The following MGST1 variants were observed in gnomAD, a reference collection of about 807,000 sequenced individuals.
The protein encoded by MGST1 is glutathione S-transferase 12.
A neutral mutation model predicts 8.9 loss-of-function variants in MGST1; 5 were observed. The ratio of observed to expected loss-of-function variants is 0.56; its 90% CI spans 0.29 to 1.19. MGST1 has a LOEUF of 1.19. Among genes scored for constraint, MGST1 ranks in the 50% most tolerant of loss-of-function variants. MGST1 has a pLI of 0.08. For missense variants in MGST1, 182 were observed against 187.4 expected, an observed-to-expected ratio of 0.97 and a Z score of 0.17; for synonymous variants, 54 against 67.8, an observed-to-expected ratio of 0.80 and a Z score of 1.00.
chr12:16,554,617 C>G (rs1237768074), intron 4 of MGST1, among the ~76,000 whole-genome samples: 2 of 152,208 alleles, frequency 1.3e-5, no homozygotes, highest in African/African-American at 4.8e-5. Context: ...TCTTGCTATA[C>G]ATTATTCAAA....
chr12:16,407,627 A>G (rs1422557741), intron 1 of MGST1, among the ~76,000 whole-genome samples: 5 of 152,206 alleles, frequency 3.3e-5, no homozygotes, highest in Non-Finnish European at 7.3e-5. Context: ...TGTTCACTGC[A>G]GTGCTATTCA....
intron 4 of MGST1, among the ~76,000 whole-genome samples, chr12:16,466,479 G>A (rs1232826937): frequency 2.6e-5 from 4 of 152,158 alleles, no homozygotes; most frequent in African/African-American, 9.7e-5. Flanking sequence ...TGCTAACACA[G>A]CTTCCTTTTG....
intron 3 of MGST1, among the ~76,000 whole-genome samples, chr12:16,358,546 A>G (rs1489302666): frequency 2.0e-5 from 3 of 147,610 alleles, no homozygotes; most frequent in Non-Finnish European, 4.5e-5. Flanking sequence ...GGCTCACTGC[A>G]ACCTTCTTCT....
chr12:16,416,597 A>G (rs7303720), intron 1 of MGST1, among the ~76,000 whole-genome samples: 46,994 of 151,826 alleles, frequency 0.31, 7,290 homozygotes, highest in East Asian at 0.4. Context: ...AGGAGCACCA[A>G]CCCCATCATG....
chr12:16,526,685 G>T (rs1441541318), intron 4 of MGST1, among the ~76,000 whole-genome samples: 1 of 151,892 alleles, frequency 6.6e-6, no homozygotes, highest in African/African-American at 2.4e-5. Flanking sequence ...CATAAATTAG[G>T]TAAGGTATTT....
At chr12:16,539,065 C>T (rs1271455048) in intron 4 of MGST1, among the ~76,000 whole-genome samples, 1 of 152,180 alleles carries the variant, frequency 6.6e-6, no homozygotes, top group African/African-American at 2.4e-5. Flanking sequence ...CCCACCAGCT[C>T]TCTCCCACAA....
Position 16,362,975 on chromosome 12 carries a change from C to T in MGST1, c.222-820C>T, listed in dbSNP as rs1203167002. ...ATGACAACAATAATAATAAAAATGT[C>T]AAGTCCATAGTAGATGTGTTTTGTA... On this transcript the variant is annotated intron_variant, in intron 3 of 3. Coordinates refer to ENST00000396210, the MANE Select transcript of MGST1 (RefSeq NM_020300.5). The surrounding 1 kb of genome is among the most constrained non-coding windows in gnomAD (Gnocchi z 4.4). 1 of 152,106 alleles carries T rather than the reference C, an allele frequency of 6.6e-6. No individual in the cohort carries two copies. The allele number at this position is 152,106 out of a possible 1,614,324, so 9.4% of individuals were successfully genotyped here.
At chr12:16,562,365 T>C (rs1266811959) in intron 4 of MGST1, among the ~76,000 whole-genome samples, 3 of 152,352 alleles carry the variant, frequency 2.0e-5, no homozygotes, top group African/African-American at 4.8e-5. Context: ...TATACTTGTG[T>C]ATATAACATC....
chr12:16,399,821 A>G (rs562172262), intron 1 of MGST1: 353 of 1,215,778 alleles, frequency 2.9e-4, no homozygotes, highest in South Asian at 2.1e-3. Context: ...GGCATTGATC[A>G]TGGTCACTTT....
intron 1 of MGST1, among the ~76,000 whole-genome samples, chr12:16,436,333 T>C (rs1940986661): frequency 6.6e-6 from 1 of 151,962 alleles, no homozygotes; most frequent in Admixed American, 6.6e-5. Flanking sequence ...AGGCAAGCTG[T>C]GACATATGAT....
intron 4 of MGST1, among the ~76,000 whole-genome samples, chr12:16,543,245 T>G (rs2137215326): frequency 6.6e-6 from 1 of 152,234 alleles, no homozygotes; most frequent in Admixed American, 6.5e-5. Flanking sequence ...AAGCAGAGGC[T>G]TCCCCAGTAT....
chr12:16,501,655 T>A (rs1276543632), intron 4 of MGST1, among the ~76,000 whole-genome samples: 1 of 152,194 alleles, frequency 6.6e-6, no homozygotes, highest in Non-Finnish European at 1.5e-5. Context: ...CTATAAGGAC[T>A]AAAGGAGGGC....
downstream of MGST1, among the ~76,000 whole-genome samples, chr12:16,381,054 C>T (rs1232499166): frequency 1.3e-5 from 2 of 151,724 alleles, no homozygotes; most frequent in Admixed American, 1.3e-4. Flanking sequence ...GTGAGATGCA[C>T]CTGAATACAG....
rs144408662 is a variant in MGST1, at chr12:16,391,590, G to T, written n.778+7986G>T. The stretch of plus-strand genomic sequence containing the variant: ...GATGCCTTTGCCCACTTCTTAATGG[G>T]GTTGTCTGTTTTTCTCTTGTAAATT... On this transcript the variant is annotated intron_variant and non_coding_transcript_variant, in intron 1 of 1. Coordinates refer to the MGST1 transcript ENST00000359720. 4.2e-3 allele frequency among the ~76,000 whole-genome samples: 637 copies of T among 152,102 alleles called. 2 individuals are homozygous for T. Among genetic ancestry groups the T allele is most frequent in the Non-Finnish European group, 5.0e-3 (342 of 67,980 alleles).
At chr12:16,372,020 T>G (rs1243830546) in intron 3 of MGST1, among the ~76,000 whole-genome samples, 1 of 151,142 alleles carries the variant, frequency 6.6e-6, no homozygotes, top group Non-Finnish European at 1.5e-5. Context: ...TCTTGCCATA[T>G]ACAAAAATCA....
intron 4 of MGST1, among the ~76,000 whole-genome samples, chr12:16,496,772 A>T (rs1941473332): frequency 1.3e-5 from 2 of 152,134 alleles, no homozygotes; most frequent in Admixed American, 1.3e-4. Flanking sequence ...AACACCTAAG[A>T]CCAAAATAAT....
chr12:16,535,690 C>G (rs1941753118), intron 4 of MGST1, among the ~76,000 whole-genome samples: 1 of 152,096 alleles, frequency 6.6e-6, no homozygotes, highest in Non-Finnish European at 1.5e-5. Flanking sequence ...AAATCGTGGT[C>G]CTCATTAGCA....
intron 4 of MGST1, among the ~76,000 whole-genome samples, chr12:16,564,970 T>C (rs1388904861): frequency 1.3e-5 from 2 of 152,006 alleles, no homozygotes; most frequent in African/African-American, 4.8e-5. Flanking sequence ...AAAAAAAATT[T>C]GTAGAGATGG....
At position 16,537,927 on chromosome 12, in the gene MGST1, A is replaced by G. The variant is rs1425588610; in HGVS notation, n.483-51601A>G. 6.6e-6 allele frequency among the ~76,000 whole-genome samples: 1 copy of G among 152,190 alleles called. No homozygotes were observed. Among genetic ancestry groups the G allele is most frequent in the Non-Finnish European group, 1.5e-5 (1 of 68,034 alleles). On this transcript the variant is annotated intron_variant and non_coding_transcript_variant, in intron 4 of 4. Transcript: ENST00000538857. The surrounding 1 kb of genome is among the most constrained non-coding windows in gnomAD (Gnocchi z 4.6). ...TTTCCCCATTGTCTTGGAGATTAACATGTGGCTCCTTGTTACTTATGCAAA... is the reference window on the plus strand; with the variant it reads ...TTTCCCCATTGTCTTGGAGATTAACGTGTGGCTCCTTGTTACTTATGCAAA...
Sources: allele counts gnomAD v4.1 joint callset (sites outside exome capture counted in the v4.1 genomes callset), GRCh38; gene constraint gnomAD v4.1.1; non-coding constraint Gnocchi (gnomAD v3.1); transcripts MANE v1.5; gene names NCBI Gene and HGNC (gene_info 2026-07-23, HGNC 2026-07-21).